DVL3: variants seen among roughly 807,000 people sequenced by gnomAD.
DVL3 encodes the protein dishevelled segment polarity protein 3.
Under a neutral mutation model 67.4 loss-of-function variants are expected in DVL3, and 27 were observed. The observed-to-expected ratio is 0.40, with a 90% CI of 0.30 to 0.55. The LOEUF (loss-of-function observed/expected upper bound fraction) is 0.55. Among genes scored for constraint, DVL3 ranks in the 20% least tolerant of loss-of-function variants. The probability of loss-of-function intolerance (pLI) is 0.46; values close to 1 mark genes in which losing one functional copy is unlikely to be tolerated. For missense variants in DVL3, 819 were observed against 1,021.5 expected (o/e 0.80, Z 2.70); for synonymous variants, 369 against 396.8 (o/e 0.93, Z 0.83).
chr3:184,170,898 G>A lies in DVL3; in HGVS notation c.*143G>A. ...TCCAGGTGCGCTAACTGCTCGCAGG[G>A]TGCTGCGAGGGTGGGGTGCACCTAC... On this transcript the variant is annotated 3_prime_UTR_variant, in exon 15 of 15. Transcript: ENST00000313143. The surrounding 1 kb of genome is among the most constrained non-coding windows in gnomAD (Gnocchi z 6.5). 4 of 1,546,548 alleles carry A rather than the reference G, an allele frequency of 2.6e-6. No homozygotes were observed. The highest frequency in any genetic ancestry group is 2.6e-6 in the Non-Finnish European group (3 of 1,146,220).
rs1481269459 is a variant in DVL3, at chr3:184,167,962, C to A, written c.1395C>A (p.Arg465=). The A allele has an allele frequency of 6.2e-7, 1 of 1,614,158 alleles. No individual in the cohort carries two copies. Among genetic ancestry groups the A allele is most frequent in the Non-Finnish European group, 8.5e-7 (1 of 1,180,052 alleles). ...VEGFTDRREA[R]KYASNLLKAG... ...GCTTCACGGACCGGAGGGAGGCCCG[C>A]AAGTATGCCAGCAACCTGCTGAAAG... is the stretch of plus-strand genomic sequence containing the variant. The change falls in exon 13 of 15, where the codon CGC becomes CGA. Residue 465 remains arginine, a synonymous_variant. Transcript: ENST00000313143. The surrounding 1 kb of genome is among the most constrained non-coding windows in gnomAD (Gnocchi z 4.6).
At position 184,166,645 on chromosome 3, in the gene DVL3, T is replaced by A. The variant is rs1262457248; in HGVS notation, c.1020T>A (p.Ser340Arg). The change falls in exon 10 of 15, where the codon AGT becomes AGA. Residue 340 changes from serine to arginine, a missense_variant. By Grantham distance (110) the Ser-to-Arg change is moderately radical. Transcript: ENST00000313143. The surrounding 1 kb of genome is among the most constrained non-coding windows in gnomAD (Gnocchi z 6.7). ...TLTVAKCWDPSPRGCFTLPRS... is the reference protein window; with the variant it reads ...TLTVAKCWDPRPRGCFTLPRS... ...CTGTAGCCAAGTGCTGGGACCCAAG[T>A]CCACGTGGTTGCTTCACATTGCCCA... 1 of 1,614,148 alleles carries A rather than the reference T, an allele frequency of 6.2e-7. No homozygotes were observed. Among genetic ancestry groups the A allele is most frequent in the East Asian group, 2.2e-5 (1 of 44,882 alleles).
At chr3:184,169,938 C>A in intron 13 of DVL3, 68 bp from the exon 14 acceptor site, 2 of 1,386,528 alleles carry the variant, frequency 1.4e-6, no homozygotes, top group Non-Finnish European at 2.0e-6. Flanking sequence ...TCATCCAGAG[C>A]CCACCTGACC....
chr3:184,171,052 T>G lies in DVL3; in HGVS notation c.*297T>G. On this transcript the variant is annotated 3_prime_UTR_variant, in exon 15 of 15. Coordinates refer to ENST00000313143, the MANE Select transcript of DVL3 (RefSeq NM_004423.4). ...CAGACTTGTTGGTGCTACCCCTTAC[T>G]CCCCTCTGCAACCCCCATTTTGGGA... 7.7e-7 allele frequency: 1 copy of G among 1,304,142 alleles called. No homozygotes were observed. Among genetic ancestry groups the G allele is most frequent in the South Asian group, 1.5e-5 (1 of 66,482 alleles). 80.8% of individuals were successfully genotyped at this position (1,304,142 alleles called of 1,614,324 possible).
In DVL3 at chr3:184,167,914, C is replaced by T; in HGVS notation, c.1347C>T (p.Asp449=). 2 of 1,614,270 alleles carry T rather than the reference C, an allele frequency of 1.2e-6. No homozygotes were observed. The highest frequency in any genetic ancestry group is 1.7e-6 in the Non-Finnish European group (2 of 1,180,050). ...PNAFIGSDVV[D]WLYHNVEGFT... The stretch of plus-strand genomic sequence containing the variant: ...TGTCCCCAGGCTCAGATGTGGTGGA[C>T]TGGCTGTACCACAATGTGGAAGGCT... Residue 449 remains aspartate, a synonymous_variant, in exon 13 of 15, where the codon GAC becomes GAT. Transcript: ENST00000313143. The surrounding 1 kb of genome is among the most constrained non-coding windows in gnomAD (Gnocchi z 4.6).
intron 1 of DVL3, among the ~76,000 whole-genome samples, chr3:184,158,862 G>A (rs1414904754): frequency 6.8e-6 from 1 of 146,054 alleles, no homozygotes; most frequent in Admixed American, 7.1e-5. Flanking sequence ...TGCAACCTTC[G>A]CCTCCCGGGT....
chr3:184,171,140 C>G lies in DVL3; in HGVS notation c.*385C>G. The G allele has an allele frequency of 8.5e-7, 1 of 1,176,892 alleles. No individual in the cohort carries two copies. The highest frequency in any genetic ancestry group is 1.1e-6 in the Non-Finnish European group (1 of 941,938). The allele number at this position is 1,176,892 out of a possible 1,614,324, so 72.9% of individuals were successfully genotyped here. A position where few individuals can be genotyped will look rare whatever the true frequency, so the allele number is the denominator to read the frequency against. On this transcript the variant is annotated 3_prime_UTR_variant, in exon 15 of 15. Coordinates refer to ENST00000313143, the MANE Select transcript of DVL3 (RefSeq NM_004423.4). ...CCTCATTCTCTCGTTTCCCCTTTAG[C>G]TCCCTTTCACCATTTATTCAGCTAC...
intron 1 of DVL3, among the ~76,000 whole-genome samples, chr3:184,161,943 T>C (rs1714395564): frequency 6.6e-6 from 1 of 152,176 alleles, no homozygotes; most frequent in Non-Finnish European, 1.5e-5. Context: ...GTGAAGATTA[T>C]AGGTTCTAAC....
At chr3:184,162,262 T>G (rs1714407142) in intron 1 of DVL3, among the ~76,000 whole-genome samples, 1 of 151,096 alleles carries the variant, frequency 6.6e-6, no homozygotes, top group Non-Finnish European at 1.5e-5. Context: ...ACTGCAGCCT[T>G]GAACTCCTAG....
chr3:184,164,241 C>A lies in DVL3; in HGVS notation c.232-26C>A. 1 of 1,611,698 alleles carries A rather than the reference C, an allele frequency of 6.2e-7. No individual in the cohort carries two copies. On this transcript the variant is annotated intron_variant, in intron 2 of 14. Transcript: ENST00000313143. This position sits in a 1 kb window ranked among gnomAD's most constrained non-coding sequence, Gnocchi z 5.3. The stretch of plus-strand genomic sequence containing the variant: ...TTCTCCTTGATGCTCCTGTAACATA[C>A]TACTCACTCAGTTTCTCCCTTTCAG...
rs1714468955 is a variant in DVL3, at chr3:184,163,911, A to T, written c.231+185A>T. On this transcript the variant is annotated intron_variant, in intron 2 of 14. Coordinates refer to ENST00000313143, the MANE Select transcript of DVL3 (RefSeq NM_004423.4). The surrounding 1 kb of genome is among the most constrained non-coding windows in gnomAD (Gnocchi z 4.5). ...TGATGAAAAGTGAGAAATTAGTGGG[A>T]AGGGGGAAGAGGGAGAGACGGAAAC... Among the ~76,000 whole-genome samples, 1 of 152,140 alleles carries T rather than the reference A, an allele frequency of 6.6e-6. No homozygotes were observed. The highest frequency in any genetic ancestry group is 1.5e-5 in the Non-Finnish European group (1 of 68,032).
At chr3:184,157,697 G>A (rs1714245757) in intron 1 of DVL3, among the ~76,000 whole-genome samples, 1 of 152,222 alleles carries the variant, frequency 6.6e-6, no homozygotes, top group African/African-American at 2.4e-5. Context: ...ACTAAGCAAT[G>A]TTAATCTGTG....
At position 184,155,619 on chromosome 3, in the gene DVL3, G is replaced by T; in HGVS notation, c.-17G>T. ...CGAGCAGGCCGCGCGCGGGCCGCCG[G>T]GCCCGAGGCCAGAGCCATGGGCGAG... On this transcript the variant is annotated 5_prime_UTR_variant, in exon 1 of 15. Coordinates refer to ENST00000313143, the MANE Select transcript of DVL3 (RefSeq NM_004423.4). The surrounding 1 kb of genome is among the most constrained non-coding windows in gnomAD (Gnocchi z 5.4). 1.5e-6 allele frequency: 2 copies of T among 1,358,724 alleles called. No individual in the cohort carries two copies. The highest frequency in any genetic ancestry group is 1.9e-6 in the Non-Finnish European group (2 of 1,044,538). The allele number at this position is 1,358,724 out of a possible 1,614,324, so 84.2% of individuals were successfully genotyped here.
At chr3:184,157,922 AAC>A (rs1488765448) in intron 1 of DVL3, among the ~76,000 whole-genome samples, 1 of 152,234 alleles carries the variant, frequency 6.6e-6, no homozygotes, top group Non-Finnish European at 1.5e-5. Flanking sequence ...TCATTTATTT[AAC>A]ACACGCCTTT....
At chr3:184,169,856 G>A (rs1003911049) in intron 13 of DVL3, 150 bp from the exon 14 acceptor site, 5 of 665,520 alleles carry the variant, frequency 7.5e-6, no homozygotes, top group African/African-American at 5.6e-5. Context: ...GTGGCAAAGG[G>A]GGTCTGCAGA....
At chr3:184,158,785 T>TC (rs1179229706) in intron 1 of DVL3, among the ~76,000 whole-genome samples, 6 of 150,288 alleles carry the variant, frequency 4.0e-5, no homozygotes, top group African/African-American at 1.2e-4. Context: ...TTTTCTTTTT[T>TC]TTTTTTTTTT....
chr3:184,155,562 C>A lies in DVL3; in HGVS notation c.-74C>A. On this transcript the variant is annotated 5_prime_UTR_variant, in exon 1 of 15. Transcript: ENST00000313143. This position sits in a 1 kb window ranked among gnomAD's most constrained non-coding sequence, Gnocchi z 5.4. Reference sequence around the variant, plus strand: ...TGAGCCGCTGGGCCGCGCCGCGCGCCGCCGCCGTCTGGGAGGCTCGGCCCG... The same window carrying A: ...TGAGCCGCTGGGCCGCGCCGCGCGCAGCCGCCGTCTGGGAGGCTCGGCCCG... The A allele has an allele frequency of 1.0e-6, 1 of 954,300 alleles. No individual in the cohort carries two copies. Among genetic ancestry groups the A allele is most frequent in the Non-Finnish European group, 1.3e-6 (1 of 798,850 alleles). 59.1% of individuals were successfully genotyped at this position (954,300 alleles called of 1,614,324 possible). A position where few individuals can be genotyped will look rare whatever the true frequency, so the allele number is the denominator to read the frequency against.
In DVL3 at chr3:184,155,676, A is replaced by G. The variant is rs765409582; in HGVS notation, c.41A>G (p.Glu14Gly). 7 of 1,609,978 alleles carry G rather than the reference A, an allele frequency of 4.3e-6. No homozygotes were observed. Among genetic ancestry groups the G allele is most frequent in the Non-Finnish European group, 5.9e-6 (7 of 1,178,796 alleles). Residue 14 changes from glutamate to glycine, a missense_variant, in exon 1 of 15, where the codon GAG becomes GGG. Coordinates refer to ENST00000313143, the MANE Select transcript of DVL3 (RefSeq NM_004423.4). The surrounding 1 kb of genome is among the most constrained non-coding windows in gnomAD (Gnocchi z 5.4). ...TKIIYHLDGQETPYLVKLPLP... is the reference protein window; with the variant it reads ...TKIIYHLDGQGTPYLVKLPLP... ...ATCATCTACCACTTGGATGGGCAGGAGACGCCGTACCTTGTGAAGCTGCCC... is the reference window on the plus strand; with the variant it reads ...ATCATCTACCACTTGGATGGGCAGGGGACGCCGTACCTTGTGAAGCTGCCC...
At chr3:184,159,003 T>C (rs1372579784) in intron 1 of DVL3, among the ~76,000 whole-genome samples, 2 of 151,364 alleles carry the variant, frequency 1.3e-5, no homozygotes, top group Non-Finnish European at 2.9e-5. Flanking sequence ...CTGGAACTCC[T>C]GACCTCAAGC....
Sources: allele counts gnomAD v4.1 joint callset (sites outside exome capture counted in the v4.1 genomes callset), GRCh38; gene constraint gnomAD v4.1.1; non-coding constraint Gnocchi (gnomAD v3.1); transcripts MANE v1.5; gene names NCBI Gene and HGNC (gene_info 2026-07-23, HGNC 2026-07-21).